The following CHRDL2 variants were observed in gnomAD, a reference collection of about 807,000 sequenced individuals.
The protein encoded by CHRDL2 is chordin-like protein 2.
Under a neutral mutation model 54.3 loss-of-function variants are expected in CHRDL2, and 41 were observed. The ratio of observed to expected loss-of-function variants is 0.76; its 90% CI spans 0.59 to 0.98. The LOEUF (loss-of-function observed/expected upper bound fraction) is 0.98, where lower values mean the gene tolerates loss of function less well. Ranked by LOEUF, CHRDL2 falls within the 50% of genes least tolerant of loss-of-function variation. CHRDL2 has a pLI of 0.00. For missense variants in CHRDL2, 518 were observed against 562.4 expected (o/e 0.92, Z 0.80); for synonymous variants, 220 against 224.3 (o/e 0.98, Z 0.17).
At chr11:74,711,772 C>A (rs1432963740) in intron 3 of CHRDL2, among the ~76,000 whole-genome samples, 2 of 151,562 alleles carry the variant, frequency 1.3e-5, no homozygotes, top group African/African-American at 4.8e-5. Context: ...TCTAGGAGTT[C>A]GAGACTGGCC....
Position 74,702,233 on chromosome 11 carries a change from G to C in CHRDL2, c.1120+561C>G, listed in dbSNP as rs532644606. On this transcript the variant is annotated intron_variant, in intron 9 of 10. Coordinates refer to ENST00000376332, the MANE Select transcript of CHRDL2 (RefSeq NM_001278473.3). ...GATCATGCCACTGCACTCCAGCCTG[G>C]GTGACTGAGACCCTGTCTCAAAAAA... is the stretch of plus-strand genomic sequence containing the variant. Among the ~76,000 whole-genome samples, 60 of 149,050 alleles carry C rather than the reference G, an allele frequency of 4.0e-4. 1 individual carries two copies. The highest frequency in any genetic ancestry group is 3.4e-3 in the Middle Eastern group (1 of 292).
At chr11:74,704,791 C>T (rs1026586973) in intron 6 of CHRDL2, 137 bp from the exon 7 acceptor site, 7 of 813,994 alleles carry the variant, frequency 8.6e-6, no homozygotes, top group African/African-American at 1.7e-5. Flanking sequence ...AAGGTAGAGA[C>T]CAGGGATAGA....
rs550153145 is a variant in CHRDL2 at position 74,700,786 on chromosome 11, C to T, written c.1120+2008G>A. 2.6e-5 allele frequency: 4 copies of T among 152,062 alleles called. No individual in the cohort carries two copies. The East Asian group carries it at 7.7e-4, about 29-fold the overall frequency. 9.4% of individuals were successfully genotyped at this position (152,062 alleles called of 1,614,324 possible). A position where few individuals can be genotyped will look rare whatever the true frequency, so the allele number is the denominator to read the frequency against. ...TAGCTGGGATTACAGGCGCCCACCA[C>T]TATGCCTGGCTAATTTTTGTATTTT... On this transcript the variant is annotated intron_variant, in intron 9 of 10. Transcript: ENST00000376332.
chr11:74,710,950 A>G lies in CHRDL2; in HGVS notation c.331T>C (p.Cys111Arg). 1 of 1,614,176 alleles carries G rather than the reference A, an allele frequency of 6.2e-7. No individual in the cohort carries two copies. Among genetic ancestry groups the G allele is most frequent in the Non-Finnish European group, 8.5e-7 (1 of 1,180,006 alleles). ...PSGLRAPPKS[C>R]QHNGTMYQHG... ...TGGTACATGGTCCCGTTGTGCTGGC[A>G]GGACTTTGGTGGGGCCCGGAGTCCA... The change falls in exon 4 of 11, where the codon TGC (cysteine) becomes CGC (arginine). Residue 111 changes from cysteine (C) to arginine (R), a missense_variant. Physicochemically the swap from Cys to Arg is radical, Grantham distance 180. Transcript: ENST00000376332.
chr11:74,708,703 A>G (rs1254329833), intron 4 of CHRDL2, among the ~76,000 whole-genome samples: 1 of 152,236 alleles, frequency 6.6e-6, no homozygotes, highest in Non-Finnish European at 1.5e-5. Flanking sequence ...GAGGAGCCGG[A>G]GCGGGGCCTG....
Position 74,706,184 on chromosome 11 carries a change from A to G in CHRDL2, c.582+303T>C, listed in dbSNP as rs113483768. On this transcript the variant is annotated intron_variant, in intron 6 of 10. Transcript: ENST00000376332. ...GGTTGCCTGAATTAAGGGGAGACAC[A>G]GGCTGTAGATGGAACAGTGTCAAAG... Among the ~76,000 whole-genome samples, 395 of 152,280 alleles carry G rather than the reference A, an allele frequency of 2.6e-3. 5 individuals carry two copies. Among genetic ancestry groups the G allele is most frequent in the African/African-American group, 8.8e-3 (364 of 41,550 alleles).
intron 1 of CHRDL2, among the ~76,000 whole-genome samples, chr11:74,730,453 G>C (rs1205151159): frequency 6.6e-6 from 1 of 152,086 alleles, no homozygotes; most frequent in Non-Finnish European, 1.5e-5. Flanking sequence ...TCTTTCCAAA[G>C]GCAAAAAGCC....
At position 74,712,630 on chromosome 11, in the gene CHRDL2, C is replaced by T. The variant is rs1391575138; in HGVS notation, c.289+756G>A. On this transcript the variant is annotated intron_variant, in intron 3 of 10. Transcript: ENST00000376332. ...AAATGAGCCCCACTCCATACCAGCTCACCAGGAAAGTCCTGATTCCAGAGC... is the reference window on the plus strand; with the variant it reads ...AAATGAGCCCCACTCCATACCAGCTTACCAGGAAAGTCCTGATTCCAGAGC... Among the ~76,000 whole-genome samples, 4 of 152,166 alleles carry T rather than the reference C, an allele frequency of 2.6e-5. No individual in the cohort carries two copies. In the South Asian group the frequency reaches 6.2e-4, roughly 24 times the overall value.
At chr11:74,698,064 T>C (rs1177101977) in intron 9 of CHRDL2, among the ~76,000 whole-genome samples, 2 of 93,642 alleles carry the variant, frequency 2.1e-5, no homozygotes, top group Non-Finnish European at 4.7e-5. Context: ...TCTACTTTTT[T>C]TTCTTTTTTT....
rs34695217 is a variant in CHRDL2 at position 74,702,798 on chromosome 11, T to C, written c.1116A>G (p.Val372=). ...TGGGAGTGGGCCAGCACTCACCTTTTACCAGCTTCCAGAGGTAGATCTCCA... is the reference window on the plus strand; with the variant it reads ...TGGGAGTGGGCCAGCACTCACCTTTCACCAGCTTCCAGAGGTAGATCTCCA... The part of the protein sequence containing the change: ...DLVEIYLWKL[V]KGIFHLTQIK... Residue 372 remains valine, a synonymous_variant, in exon 9 of 11, where the codon GTA becomes GTG. Coordinates refer to ENST00000376332, the MANE Select transcript of CHRDL2 (RefSeq NM_001278473.3). The C allele has an allele frequency of 0.042, 67,843 of 1,614,044 alleles. 1,576 individuals are homozygous for C. The highest frequency in any genetic ancestry group is 0.054 in the South Asian group (4,873 of 91,082).
intron 3 of CHRDL2, among the ~76,000 whole-genome samples, chr11:74,712,107 G>C (rs1463475939): frequency 6.6e-6 from 1 of 152,066 alleles, no homozygotes; most frequent in African/African-American, 2.4e-5. Flanking sequence ...ACCGTGACTG[G>C]CCAGAACTTT....
chr11:74,703,573 T>G (rs1591352427), intron 7 of CHRDL2, 74 bp from the exon 8 acceptor site: 2 of 1,356,842 alleles, frequency 1.5e-6, no homozygotes, highest in Non-Finnish European at 2.0e-6. Context: ...CAGCAGCGGG[T>G]GGGGTGGGCC....
chr11:74,697,151 C>T (rs1375240550), intron 10 of CHRDL2, 54 bp downstream of exon 10: 34 of 1,433,300 alleles, frequency 2.4e-5, no homozygotes, highest in Admixed American at 5.0e-5. Flanking sequence ...AGGCTCTGGC[C>T]CGTGTCCTTG....
At position 74,730,872 on chromosome 11, in the gene CHRDL2, C is replaced by T; in HGVS notation, c.17G>A (p.Arg6Lys). 1 of 1,611,584 alleles carries T rather than the reference C, an allele frequency of 6.2e-7. No individual in the cohort carries two copies. The change falls in exon 1 of 11, where the codon AGG becomes AAG. Residue 6 changes from arginine (R) to lysine (K), a missense_variant. Transcript: ENST00000376332. MVPEV[R>K]VLSSLLGLAL... ...GAGTCCCAGCAAGGAGGAGAGGACCCTCACCTCGGGAACCATCCTTTCCCC... is the reference window on the plus strand; with the variant it reads ...GAGTCCCAGCAAGGAGGAGAGGACCTTCACCTCGGGAACCATCCTTTCCCC...
chr11:74,701,477 T>C (rs2033807668), intron 9 of CHRDL2: 1 of 628,570 alleles, frequency 1.6e-6, no homozygotes, highest in Non-Finnish European at 3.0e-6. Flanking sequence ...TTCTCCAGGC[T>C]GAACAGCTCC....
chr11:74,724,623 T>C (rs761150521), intron 1 of CHRDL2, among the ~76,000 whole-genome samples: 1 of 152,238 alleles, frequency 6.6e-6, no homozygotes, highest in Non-Finnish European at 1.5e-5. Flanking sequence ...CCACCTGGAA[T>C]GGAATCCTCC....
At chr11:74,717,703 G>C (rs112770171) in intron 2 of CHRDL2, among the ~76,000 whole-genome samples, 240 of 152,302 alleles carry the variant, frequency 1.6e-3, no homozygotes, top group African/African-American at 5.6e-3. Flanking sequence ...AGAGGGTTCT[G>C]TTTTAACAAG....
In CHRDL2 at chr11:74,710,844, C is replaced by A. The variant is rs1301142091; in HGVS notation, c.432+5G>T. On this transcript the variant is annotated splice_donor_5th_base_variant and intron_variant, in intron 4 of 10. Coordinates refer to ENST00000376332, the MANE Select transcript of CHRDL2 (RefSeq NM_001278473.3). ...CTGTGCTGAAGGGAAGGCAGGAGTT[C>A]TTACTGTGCAGCTGCAGAGGACACA... 18 of 1,613,780 alleles carry A rather than the reference C, an allele frequency of 1.1e-5. No homozygotes were observed. The Admixed American group carries it at 3.0e-4, about 27-fold the overall frequency.
intron 3 of CHRDL2, among the ~76,000 whole-genome samples, chr11:74,711,663 C>A (rs1048887356): frequency 2.0e-5 from 3 of 152,092 alleles, no homozygotes; most frequent in African/African-American, 7.2e-5. Flanking sequence ...AAGATTTAGC[C>A]CTTGCCACCA....
Sources: allele counts gnomAD v4.1 joint callset (sites outside exome capture counted in the v4.1 genomes callset), GRCh38; gene constraint gnomAD v4.1.1; transcripts MANE v1.5; gene names NCBI Gene and HGNC (gene_info 2026-07-23, HGNC 2026-07-21).